Variants in GPAT3 observed in about 807,000 individuals in gnomAD.
GPAT3 encodes the protein 1-AGP acyltransferase 9.
GPAT3 carries 53 observed loss-of-function variants against 58.8 expected under a neutral mutation model. The ratio of observed to expected loss-of-function variants is 0.90; its 90% CI spans 0.72 to 1.13. The LOEUF is 1.13. GPAT3 is among the 50% of genes most tolerant of loss of function. GPAT3 has a pLI of 0.00. For synonymous variants in GPAT3, 197 were observed against 187.4 expected (o/e 1.05, Z -0.42); for missense variants, 511 against 527.6 (o/e 0.97, Z 0.31).
In GPAT3 at chr4:83,601,340, T is replaced by C. The variant is rs1365558227; in HGVS notation, c.1205+2617T>C. Reference sequence around the variant, plus strand: ...GCAAGGGTGGGGAATAACACTAAAATATTTATCCATTCACATAGCGTGAAT... The same window carrying C: ...GCAAGGGTGGGGAATAACACTAAAACATTTATCCATTCACATAGCGTGAAT... On this transcript the variant is annotated intron_variant, in intron 11 of 11. Coordinates refer to ENST00000264409, the MANE Select transcript of GPAT3 (RefSeq NM_032717.5). Among the ~76,000 whole-genome samples, 3 of 152,246 alleles carry C rather than the reference T, an allele frequency of 2.0e-5. No homozygotes were observed. In the East Asian group the frequency reaches 5.8e-4, roughly 29 times the overall value.
chr4:83,561,031 G>A (rs753488572), intron 2 of GPAT3, among the ~76,000 whole-genome samples: 1 of 152,172 alleles, frequency 6.6e-6, no homozygotes, highest in Non-Finnish European at 1.5e-5. Flanking sequence ...AACAATGTGA[G>A]AACAGACTAA....
chr4:83,602,762 C>A (rs1007405057), intron 11 of GPAT3, among the ~76,000 whole-genome samples: 3 of 152,146 alleles, frequency 2.0e-5, no homozygotes, highest in African/African-American at 7.2e-5. Context: ...GGAGAAAGGC[C>A]TTTCTTATTT....
chr4:83,573,832 A>AT (rs1725689865), intron 2 of GPAT3, among the ~76,000 whole-genome samples: 1 of 152,212 alleles, frequency 6.6e-6, no homozygotes, highest in Non-Finnish European at 1.5e-5. Context: ...ATACAACTTC[A>AT]TGCATTTTCT....
At chr4:83,578,846 G>T (rs978245148) in intron 2 of GPAT3, among the ~76,000 whole-genome samples, 4 of 150,264 alleles carry the variant, frequency 2.7e-5, no homozygotes, top group African/African-American at 1.0e-4. Context: ...AATCATTCAA[G>T]AACTTACTTT....
chr4:83,564,307 G>A (rs1222694353), intron 2 of GPAT3, among the ~76,000 whole-genome samples: 3 of 152,134 alleles, frequency 2.0e-5, no homozygotes, highest in Admixed American at 2.0e-4. Context: ...ATGTTTAAGG[G>A]TCAGTTGCAT....
intron 2 of GPAT3, among the ~76,000 whole-genome samples, chr4:83,574,882 GTTTTTTTT>G (rs1317801458): frequency 2.1e-5 from 2 of 96,756 alleles, no homozygotes; most frequent in Admixed American, 2.2e-4. Flanking sequence ...TTTTTTTTTT[GTTTTTTTT>G]TTTTTGAGAC....
chr4:83,562,197 ATAATATATATATATTAT>A (rs1276927590), intron 2 of GPAT3, among the ~76,000 whole-genome samples: 38 of 42,090 alleles, frequency 9.0e-4, no homozygotes, highest in Non-Finnish European at 1.2e-3. Flanking sequence ...ATATATATAT[ATAATATATATATATTAT>A]ATATATATAT....
chr4:83,596,969 G>A (rs1381544387), intron 8 of GPAT3, 56 bp downstream of exon 8: 6 of 1,502,194 alleles, frequency 4.0e-6, no homozygotes, highest in Non-Finnish European at 1.8e-6. Context: ...CATCAAAAGT[G>A]TGTGAGGAAT....
chr4:83,558,320 A>T (rs1020292762), intron 2 of GPAT3, among the ~76,000 whole-genome samples: 1 of 152,172 alleles, frequency 6.6e-6, no homozygotes, highest in Non-Finnish European at 1.5e-5. Context: ...AAATGGGATT[A>T]AAAAAACTGG....
intron 5 of GPAT3, among the ~76,000 whole-genome samples, chr4:83,588,753 G>C (rs756824687): frequency 9.2e-5 from 14 of 152,192 alleles, no homozygotes; most frequent in Non-Finnish European, 1.5e-4. Context: ...GTGGAGTCTG[G>C]AAATGTGGTC....
chr4:83,594,731 A>T (rs1726746720), intron 6 of GPAT3, 114 bp from the exon 7 acceptor site: 3 of 800,752 alleles, frequency 3.7e-6, no homozygotes, highest in Non-Finnish European at 6.2e-6. Context: ...AACTTCAGTC[A>T]GTAGAAGGCC....
intron 2 of GPAT3, among the ~76,000 whole-genome samples, chr4:83,562,225 A>AATATATATATATAATAT (rs1553944929): frequency 1.6e-5 from 1 of 61,400 alleles, no homozygotes; most frequent in African/African-American, 7.8e-5. Flanking sequence ...ATATATATAT[A>AATATATATATATAATAT]ATATATATAT....
chr4:83,580,449 C>CTTGCCTACAT (rs1159327405), intron 2 of GPAT3, among the ~76,000 whole-genome samples: 2 of 152,178 alleles, frequency 1.3e-5, no homozygotes, highest in East Asian at 3.9e-4. Flanking sequence ...AGTGAACACC[C>CTTGCCTACAT]TTGCCTACAT....
intron 8 of GPAT3, 148 bp downstream of exon 8, chr4:83,597,061 C>T: frequency 1.4e-6 from 1 of 701,608 alleles, no homozygotes; most frequent in East Asian, 3.0e-5. Context: ...TTATTAATTC[C>T]TTGCTTTCTT....
At chr4:83,540,439 G>A (rs1281122510) in intron 1 of GPAT3, among the ~76,000 whole-genome samples, 1 of 152,194 alleles carries the variant, frequency 6.6e-6, no homozygotes, top group Non-Finnish European at 1.5e-5. Context: ...ATCTGAAAGA[G>A]ATATTCTGTC....
intron 2 of GPAT3, among the ~76,000 whole-genome samples, chr4:83,552,756 C>T (rs191185872): frequency 1.3e-5 from 2 of 152,196 alleles, no homozygotes; most frequent in East Asian, 3.9e-4. Context: ...TGTCTATGTC[C>T]CCCCCTTCCC....
At chr4:83,598,750 ACTTTTT>A in intron 11 of GPAT3, 27 bp downstream of exon 11, 5 of 256,724 alleles carry the variant, frequency 1.9e-5, no homozygotes, top group South Asian at 5.6e-5. Flanking sequence ...AAGTACTATC[ACTTTTT>A]TTTTTTTTTT....
At chr4:83,570,612 A>G (rs755986353) in intron 2 of GPAT3, among the ~76,000 whole-genome samples, 2 of 151,764 alleles carry the variant, frequency 1.3e-5, no homozygotes, top group South Asian at 2.1e-4. Flanking sequence ...AGCCGGCACT[A>G]CAGATGTGCA....
chr4:83,579,901 A>G (rs975002803), intron 2 of GPAT3, among the ~76,000 whole-genome samples: 2 of 152,238 alleles, frequency 1.3e-5, no homozygotes, highest in Non-Finnish European at 2.9e-5. Context: ...TAGGTAATAC[A>G]GCACTGTCCA....
Sources: gnomAD v4.1 joint callset for allele counts (sites outside exome capture counted in the v4.1 genomes callset) on GRCh38, gnomAD v4.1.1 for gene constraint, MANE v1.5 for transcripts, NCBI Gene and HGNC (gene_info 2026-07-23, HGNC 2026-07-21) for gene names.